The following TRHDE variants were observed in gnomAD, a reference collection of about 807,000 sequenced individuals.
TRHDE encodes thyrotropin releasing hormone degrading enzyme.
A neutral mutation model predicts 125.7 loss-of-function variants in TRHDE; 72 were observed. The ratio of observed to expected loss-of-function variants is 0.57; its 90% CI spans 0.47 to 0.70. TRHDE has a LOEUF of 0.70. Ranked by LOEUF, TRHDE falls within the 30% of genes least tolerant of loss-of-function variation. The probability of loss-of-function intolerance (pLI) is 0.00; values close to 1 mark genes in which losing one functional copy is unlikely to be tolerated. For missense variants in TRHDE, 1,110 were observed against 1,327.1 expected, an observed-to-expected ratio of 0.84 and a Z score of 2.54; for synonymous variants, 509 against 509.1, an observed-to-expected ratio of 1.00 and a Z score of 0.00.
At chr12:72,217,935 A>G (rs1592487943) in intron 2 of TRHDE, among the ~76,000 whole-genome samples, 1 of 152,278 alleles carries the variant, frequency 6.6e-6, no homozygotes, top group East Asian at 1.9e-4. Context: ...ATTAAATTTA[A>G]AATTTTTTGT....
At chr12:72,356,183 A>G (rs1325629674) in intron 2 of TRHDE, among the ~76,000 whole-genome samples, 1 of 151,818 alleles carries the variant, frequency 6.6e-6, no homozygotes, top group Non-Finnish European at 1.5e-5. Flanking sequence ...TGTAGTACAT[A>G]CACACTATGG....
chr12:72,125,273 CT>C (rs1188902221), intron 2 of TRHDE, among the ~76,000 whole-genome samples: 1 of 152,000 alleles, frequency 6.6e-6, no homozygotes, highest in East Asian at 1.9e-4. Flanking sequence ...TGTTCTGGAT[CT>C]TTGTGGTGCA....
intron 5 of TRHDE, among the ~76,000 whole-genome samples, chr12:72,491,428 T>C (rs1877679095): frequency 6.6e-6 from 1 of 151,934 alleles, no homozygotes; most frequent in African/African-American, 2.4e-5. Flanking sequence ...TGTATCAATA[T>C]TGCTATATTT....
intron 3 of TRHDE, among the ~76,000 whole-genome samples, chr12:72,401,008 G>T (rs1873019046): frequency 1.3e-5 from 2 of 152,110 alleles, no homozygotes; most frequent in South Asian, 4.2e-4. Flanking sequence ...TTTTAAGATG[G>T]TCCTATTTAG....
rs866156965 is a variant in TRHDE at position 72,562,944 on chromosome 12, G to A, written c.1946G>A (p.Gly649Glu). The change falls in exon 9 of 19, where the codon GGA (glycine) becomes GAA (glutamate). Residue 649 changes from glycine (G) to glutamate (E), a missense_variant. Gly to Glu is a moderately conservative substitution (Grantham distance 98). Around this residue, in one of 5 missense-constraint regions of TRHDE, gnomAD observed 527 missense variants for 651.8 expected, o/e 0.81. Coordinates refer to ENST00000261180, the MANE Select transcript of TRHDE (RefSeq NM_013381.3). ...QMGYPVITIL[G>E]NTTAENRIII... The stretch of plus-strand genomic sequence containing the variant: ...GGTTATCCTGTTATCACCATCTTGG[G>A]AAACACAACAGCAGAAAATAGAATA... The A allele has an allele frequency of 6.2e-7, 1 of 1,610,726 alleles. No homozygotes were observed. The highest frequency in any genetic ancestry group is 8.5e-7 in the Non-Finnish European group (1 of 1,178,250).
chr12:72,536,628 G>A (rs1206893996), intron 6 of TRHDE, among the ~76,000 whole-genome samples: 1 of 151,934 alleles, frequency 6.6e-6, no homozygotes, highest in Non-Finnish European at 1.5e-5. Context: ...AAATGCAGAG[G>A]GGCAGCAGTG....
intron 7 of TRHDE, among the ~76,000 whole-genome samples, chr12:72,548,308 T>A (rs1869519610): frequency 6.6e-6 from 1 of 151,810 alleles, no homozygotes; most frequent in Admixed American, 6.6e-5. Context: ...AATAAATATT[T>A]TATCTAAATT....
intron 2 of TRHDE, among the ~76,000 whole-genome samples, chr12:72,300,689 A>G (rs997740854): frequency 6.6e-6 from 1 of 151,864 alleles, no homozygotes; most frequent in African/African-American, 2.4e-5. Flanking sequence ...ATATACACAC[A>G]CAGTATATAT....
intron 5 of TRHDE, among the ~76,000 whole-genome samples, chr12:72,492,831 C>G (rs1472509778): frequency 1.3e-5 from 2 of 151,812 alleles, no homozygotes; most frequent in Non-Finnish European, 3.0e-5. Context: ...TATTTGTTCT[C>G]TTTATGGTAG....
At chr12:72,218,629 A>C (rs1192306978) in intron 2 of TRHDE, among the ~76,000 whole-genome samples, 1 of 152,106 alleles carries the variant, frequency 6.6e-6, no homozygotes, top group African/African-American at 2.4e-5. Flanking sequence ...AGGGGGATGC[A>C]TCTCAGCCCT....
intron 3 of TRHDE, among the ~76,000 whole-genome samples, chr12:72,469,076 T>G (rs1486581606): frequency 6.6e-6 from 1 of 152,142 alleles, no homozygotes; most frequent in Non-Finnish European, 1.5e-5. Flanking sequence ...TAGAGATAAT[T>G]AAGGCTAATG....
At chr12:72,124,428 G>A (rs1875665162) in intron 2 of TRHDE, among the ~76,000 whole-genome samples, 1 of 152,108 alleles carries the variant, frequency 6.6e-6, no homozygotes, top group Admixed American at 6.6e-5. Flanking sequence ...GATAAGTTCT[G>A]CATAAAAAGG....
rs1052275287 is a variant in TRHDE at position 72,479,232 on chromosome 12, A to G, written c.1584+6052A>G. The stretch of plus-strand genomic sequence containing the variant: ...ATACATTTTTGAGTATAATACTACA[A>G]CTGAAGAATATATAATATATACATG... On this transcript the variant is annotated intron_variant, in intron 5 of 18. Transcript: ENST00000261180. Among the ~76,000 whole-genome samples the G allele has an allele frequency of 2.0e-5, 3 of 152,190 alleles. No homozygotes were observed. The South Asian group carries it at 6.2e-4, about 31-fold the overall frequency.
chr12:72,615,142 CA>C (rs1322334458), intron 12 of TRHDE, among the ~76,000 whole-genome samples: 1 of 151,950 alleles, frequency 6.6e-6, no homozygotes, highest in African/African-American at 2.4e-5. Flanking sequence ...CTTTGATTCC[CA>C]AATCATCTCT....
chr12:72,353,549 C>T (rs1363622178), intron 2 of TRHDE, among the ~76,000 whole-genome samples: 1 of 151,530 alleles, frequency 6.6e-6, no homozygotes, highest in Non-Finnish European at 1.5e-5. Context: ...GTCATTCCTA[C>T]TTTACAAAGG....
chr12:72,263,660 A>G (rs1879003284), intron 2 of TRHDE: 1 of 152,128 alleles, frequency 6.6e-6, no homozygotes, highest in African/African-American at 2.4e-5. Context: ...GCTTTTAGAC[A>G]CAAAGCACAG....
At chr12:72,198,765 T>G (rs542677704) in intron 2 of TRHDE, among the ~76,000 whole-genome samples, 2 of 152,276 alleles carry the variant, frequency 1.3e-5, no homozygotes, top group African/African-American at 4.8e-5. Flanking sequence ...GGTGAGTGTA[T>G]TAGTCTATTT....
At chr12:72,577,269 A>C (rs1476325024) in intron 12 of TRHDE, among the ~76,000 whole-genome samples, 1 of 152,194 alleles carries the variant, frequency 6.6e-6, no homozygotes, top group Non-Finnish European at 1.5e-5. Flanking sequence ...ACTTTTAAGG[A>C]GCCAAATGCT....
chr12:72,293,283 T>TC (rs997133528), intron 2 of TRHDE, among the ~76,000 whole-genome samples: 124 of 152,300 alleles, frequency 8.1e-4, no homozygotes, highest in Middle Eastern at 3.4e-3. Context: ...GAATATTTTT[T>TC]CCCACTCTGG....
Sources: gnomAD v4.1 joint callset for allele counts (sites outside exome capture counted in the v4.1 genomes callset) on GRCh38, gnomAD v4.1.1 for gene constraint, gnomAD v4.1.1 regional missense constraint, MANE v1.5 for transcripts, NCBI Gene and HGNC (gene_info 2026-07-23, HGNC 2026-07-21) for gene names.